The following THSD7B variants were observed in gnomAD, a reference collection of about 807,000 sequenced individuals.
THSD7B encodes thrombospondin type-1 domain-containing protein 7B.
THSD7B carries 138 observed loss-of-function variants against 213.6 expected under a neutral mutation model. That is an observed-to-expected ratio of 0.65 (90% CI 0.56 to 0.74). The LOEUF (loss-of-function observed/expected upper bound fraction) is 0.74. THSD7B is among the 30% of genes least tolerant of loss of function. The pLI, the probability that THSD7B is intolerant of heterozygous loss-of-function variation, is 0.00. For missense variants in THSD7B, 1,931 were observed against 1,991.5 expected, an observed-to-expected ratio of 0.97 and a Z score of 0.58; for synonymous variants, 742 against 687.0, an observed-to-expected ratio of 1.08 and a Z score of -1.25.
At chr2:137,065,054 A>G (rs1396619216) in intron 3 of THSD7B, among the ~76,000 whole-genome samples, 1 of 151,854 alleles carries the variant, frequency 6.6e-6, no homozygotes, top group Non-Finnish European at 1.5e-5. Context: ...TCTGTGAAAA[A>G]TATTATTGAT....
chr2:137,454,200 G>T (rs779302147), intron 15 of THSD7B, among the ~76,000 whole-genome samples: 2 of 151,994 alleles, frequency 1.3e-5, no homozygotes, highest in Non-Finnish European at 2.9e-5. Context: ...TTCCATAATG[G>T]CTTTACTAGT....
chr2:136,898,712 G>T (rs531503376), intron 2 of THSD7B, among the ~76,000 whole-genome samples: 2 of 148,232 alleles, frequency 1.3e-5, no homozygotes, highest in East Asian at 4.0e-4. Flanking sequence ...GCATGATCTC[G>T]GCTCATTGCA....
intron 3 of THSD7B, among the ~76,000 whole-genome samples, chr2:137,083,254 AC>A (rs1687780530): frequency 6.6e-6 from 1 of 152,154 alleles, no homozygotes; most frequent in Non-Finnish European, 1.5e-5. Context: ...CACCTAAGTT[AC>A]CTCAGCTTAA....
At chr2:137,434,063 T>C (rs1467021503) in intron 14 of THSD7B, among the ~76,000 whole-genome samples, 1 of 152,202 alleles carries the variant, frequency 6.6e-6, no homozygotes, top group African/African-American at 2.4e-5. Flanking sequence ...ATCTGTGTCT[T>C]TATCCAAGTT....
intron 26 of THSD7B, among the ~76,000 whole-genome samples, chr2:137,665,286 T>G (rs76061509): frequency 0.03 from 4,527 of 152,276 alleles, 92 homozygotes; most frequent in Middle Eastern, 0.075. Context: ...AATCCACAAG[T>G]AAGCCCTTAA....
chr2:137,311,906 GC>G (rs1419140492), intron 12 of THSD7B, among the ~76,000 whole-genome samples: 1 of 140,132 alleles, frequency 7.1e-6, no homozygotes, highest in Non-Finnish European at 1.6e-5. Context: ...GATTTGGTTT[GC>G]CAGTATTTTA....
chr2:136,932,505 C>CTACTGTTAA (rs1684647764), intron 2 of THSD7B, among the ~76,000 whole-genome samples: 1 of 151,616 alleles, frequency 6.6e-6, no homozygotes, highest in Admixed American at 6.6e-5. Flanking sequence ...ACAGGAAGCT[C>CTACTGTTAA]TACTGATAAC....
intron 12 of THSD7B, among the ~76,000 whole-genome samples, chr2:137,361,364 G>A (rs1309019534): frequency 1.3e-5 from 2 of 152,194 alleles, no homozygotes; most frequent in Admixed American, 6.5e-5. Flanking sequence ...ATGGAACAAA[G>A]CTAGATGAAG....
At chr2:137,507,196 C>A (rs1679855924) in intron 15 of THSD7B, among the ~76,000 whole-genome samples, 1 of 152,296 alleles carries the variant, frequency 6.6e-6, no homozygotes, top group African/African-American at 2.4e-5. Flanking sequence ...TTACAAATGG[C>A]TCTCACTCCA....
intron 2 of THSD7B, among the ~76,000 whole-genome samples, chr2:136,897,328 G>A (rs1022326323): frequency 2.0e-5 from 3 of 152,070 alleles, no homozygotes; most frequent in African/African-American, 7.2e-5. Flanking sequence ...CAGATGTTCA[G>A]ATGTATCCGG....
chr2:136,959,483 G>C (rs914501561), intron 2 of THSD7B, among the ~76,000 whole-genome samples: 1 of 152,160 alleles, frequency 6.6e-6, no homozygotes, highest in South Asian at 2.1e-4. Flanking sequence ...ACAGGTTTTG[G>C]TGAAACTTAC....
intron 17 of THSD7B, among the ~76,000 whole-genome samples, chr2:137,597,332 T>G (rs772842894): frequency 2.0e-5 from 3 of 152,216 alleles, no homozygotes; most frequent in East Asian, 1.9e-4. Context: ...TCAGGCCAGA[T>G]GTCCTGATCT....
At chr2:136,966,903 C>T (rs1439143303) in intron 2 of THSD7B, among the ~76,000 whole-genome samples, 1 of 152,106 alleles carries the variant, frequency 6.6e-6, no homozygotes, top group Non-Finnish European at 1.5e-5. Flanking sequence ...CGTAGAAAGT[C>T]TATTCTATTC....
rs191872930 is a variant in THSD7B, at chr2:137,671,131, T to A, written c.4739+3270T>A. Among the ~76,000 whole-genome samples the A allele has an allele frequency of 1.3e-3, 197 of 152,128 alleles. 1 individual carries two copies. Among genetic ancestry groups the A allele is most frequent in the African/African-American group, 4.6e-3 (191 of 41,512 alleles). On this transcript the variant is annotated intron_variant, in intron 27 of 27. Coordinates refer to ENST00000409968, the MANE Select transcript of THSD7B (RefSeq NM_001316349.2). ...GCGATACAGCACTTCTTTGGATCTC[T>A]TTGTGCTGCTGTTTCAGAAGTTTTA...
intron 12 of THSD7B, among the ~76,000 whole-genome samples, chr2:137,324,074 T>G (rs1438922835): frequency 2.0e-5 from 3 of 152,190 alleles, no homozygotes; most frequent in Admixed American, 2.0e-4. Flanking sequence ...TTGTCACAGC[T>G]CCTAAGGATT....
chr2:137,458,497 T>C (rs1204239531), intron 15 of THSD7B, among the ~76,000 whole-genome samples: 1 of 152,180 alleles, frequency 6.6e-6, no homozygotes, highest in African/African-American at 2.4e-5. Context: ...GATCCCACTT[T>C]TTAAAACTTC....
rs545977841 is a variant in THSD7B at position 137,087,800 on chromosome 2, A to G, written c.951-7073A>G. 2.8e-4 allele frequency among the ~76,000 whole-genome samples: 43 copies of G among 152,304 alleles called. No homozygotes were observed. The South Asian group carries it at 7.7e-3, about 27-fold the overall frequency. On this transcript the variant is annotated intron_variant, in intron 3 of 27. Transcript: ENST00000409968. ...TTTCTTCACCAAATTAGAAAAAACA[A>G]TTCTAAAATTCATATGGAACCAAAA...
chr2:137,362,282 C>G (rs1443916387), intron 12 of THSD7B, among the ~76,000 whole-genome samples: 1 of 152,086 alleles, frequency 6.6e-6, no homozygotes, highest in South Asian at 2.1e-4. Flanking sequence ...CAAAAACATG[C>G]CAAATTGTAA....
At chr2:137,173,320 A>G (rs1483670563) in intron 7 of THSD7B, among the ~76,000 whole-genome samples, 2 of 152,244 alleles carry the variant, frequency 1.3e-5, no homozygotes, top group African/African-American at 4.8e-5. Context: ...CCAGCTAAGG[A>G]AACACAAAGA....
Sources: gnomAD v4.1 joint callset for allele counts (sites outside exome capture counted in the v4.1 genomes callset) on GRCh38, gnomAD v4.1.1 for gene constraint, MANE v1.5 for transcripts, NCBI Gene and HGNC (gene_info 2026-07-23, HGNC 2026-07-21) for gene names.